The following KCNIP4 variants were observed in gnomAD, a reference collection of about 807,000 sequenced individuals.
The protein encoded by KCNIP4 is Kv channel-interacting protein 4.
A neutral mutation model predicts 34.0 loss-of-function variants in KCNIP4; 12 were observed. The observed-to-expected ratio is 0.35, with a 90% CI of 0.23 to 0.57. The LOEUF is 0.57. KCNIP4 is among the 20% of genes least tolerant of loss of function. The probability of loss-of-function intolerance (pLI) is 0.83; values close to 1 mark genes in which losing one functional copy is unlikely to be tolerated. For synonymous variants in KCNIP4, 124 were observed against 102.2 expected, an observed-to-expected ratio of 1.21 and a Z score of -1.29; for missense variants, 238 against 311.7, an observed-to-expected ratio of 0.76 and a Z score of 1.78.
intron 1 of KCNIP4, among the ~76,000 whole-genome samples, chr4:21,673,031 A>T (rs1322833606): frequency 6.6e-6 from 1 of 152,212 alleles, no homozygotes; most frequent in Non-Finnish European, 1.5e-5. Context: ...AGCAACCAGA[A>T]TAAATACTGC....
chr4:21,129,749 C>T (rs1392891469), intron 1 of KCNIP4, among the ~76,000 whole-genome samples: 1 of 152,032 alleles, frequency 6.6e-6, no homozygotes, highest in African/African-American at 2.4e-5. Context: ...AGACAGAAAA[C>T]TTGGGTCATT....
intron 1 of KCNIP4, among the ~76,000 whole-genome samples, chr4:21,724,326 CCTCT>C (rs540470017): frequency 1.3e-3 from 193 of 152,080 alleles, no homozygotes; most frequent in Admixed American, 2.5e-3. Flanking sequence ...ATTTTCTTGG[CCTCT>C]CTGAGTCTCA....
intron 1 of KCNIP4, among the ~76,000 whole-genome samples, chr4:21,384,096 T>A (rs1186439409): frequency 6.6e-6 from 1 of 152,098 alleles, no homozygotes; most frequent in Non-Finnish European, 1.5e-5. Flanking sequence ...GAATACACTT[T>A]CACCAGGTTT....
At chr4:20,776,115 A>C (rs1756347582) in intron 3 of KCNIP4, among the ~76,000 whole-genome samples, 1 of 152,108 alleles carries the variant, frequency 6.6e-6, no homozygotes, top group African/African-American at 2.4e-5. Flanking sequence ...GCTCATGGAT[A>C]GTCTAGACAT....
intron 1 of KCNIP4, among the ~76,000 whole-genome samples, chr4:21,706,391 C>T (rs1285209335): frequency 6.6e-6 from 1 of 152,058 alleles, no homozygotes; most frequent in Non-Finnish European, 1.5e-5. Flanking sequence ...GTGATAAGAA[C>T]AAAAGGTTCC....
chr4:21,615,351 T>C lies in KCNIP4; in HGVS notation c.61+333220A>G, dbSNP rs547789991. On this transcript the variant is annotated intron_variant, in intron 1 of 8. Coordinates refer to ENST00000382152, the MANE Select transcript of KCNIP4 (RefSeq NM_025221.6). ...GTCAGAAGATCGAGACCATCCTGGC[T>C]AACACGGTGAAACCCCGTCTCTACT... Among the ~76,000 whole-genome samples, 9 of 149,232 alleles carry C rather than the reference T, an allele frequency of 6.0e-5. No individual in the cohort carries two copies. The South Asian group carries it at 1.9e-3, about 32-fold the overall frequency.
At chr4:21,502,362 C>T (rs1273816463) in intron 1 of KCNIP4, among the ~76,000 whole-genome samples, 5 of 152,006 alleles carry the variant, frequency 3.3e-5, no homozygotes, top group Admixed American at 1.3e-4. Flanking sequence ...GAAGTAATAA[C>T]CAGGCACAAG....
intron 1 of KCNIP4, among the ~76,000 whole-genome samples, chr4:21,487,317 T>C (rs1234847880): frequency 4.6e-5 from 7 of 152,200 alleles, no homozygotes; most frequent in Non-Finnish European, 7.3e-5. Context: ...ATTTGTCATA[T>C]ATTTTTCTCA....
At chr4:21,948,486 C>T in intron 1 of KCNIP4, 85 bp downstream of exon 1, 2 of 1,447,572 alleles carry the variant, frequency 1.4e-6, no homozygotes, top group South Asian at 1.3e-5. Flanking sequence ...CGTCCCCAGC[C>T]GAGGAAGGGA....
intron 1 of KCNIP4, among the ~76,000 whole-genome samples, chr4:21,380,606 T>G (rs1052243803): frequency 6.6e-6 from 1 of 152,166 alleles, no homozygotes; most frequent in East Asian, 1.9e-4. Flanking sequence ...ATCAATGAAA[T>G]GCTGAGAAAC....
chr4:21,823,892 G>A (rs763036202), intron 1 of KCNIP4, among the ~76,000 whole-genome samples: 3 of 152,146 alleles, frequency 2.0e-5, no homozygotes, highest in African/African-American at 2.4e-5. Context: ...CAGCTTTGCA[G>A]CTCCTCCCAT....
chr4:21,668,366 T>A (rs1344100309), intron 1 of KCNIP4, among the ~76,000 whole-genome samples: 3 of 152,098 alleles, frequency 2.0e-5, no homozygotes, highest in Non-Finnish European at 4.4e-5. Flanking sequence ...AAAAAAAAAC[T>A]GCTGTATTAA....
At chr4:21,106,358 C>A (rs1232674826) in intron 1 of KCNIP4, among the ~76,000 whole-genome samples, 1 of 151,728 alleles carries the variant, frequency 6.6e-6, no homozygotes, top group Non-Finnish European at 1.5e-5. Context: ...TTATCCATTT[C>A]TTCTAGATTT....
intron 1 of KCNIP4, among the ~76,000 whole-genome samples, chr4:21,428,040 T>A (rs775078838): frequency 6.6e-6 from 1 of 152,216 alleles, no homozygotes; most frequent in Non-Finnish European, 1.5e-5. Flanking sequence ...GAGAGTATTT[T>A]TTTTATTAAT....
intron 1 of KCNIP4, among the ~76,000 whole-genome samples, chr4:21,137,873 TTTTTG>T: frequency 7.4e-6 from 1 of 134,504 alleles, no homozygotes; most frequent in Admixed American, 7.3e-5. Flanking sequence ...TACACAGGCT[TTTTTG>T]TTTTTTTTTT....
At chr4:21,168,431 A>G (rs1409901907) in intron 1 of KCNIP4, among the ~76,000 whole-genome samples, 1 of 152,150 alleles carries the variant, frequency 6.6e-6, no homozygotes, top group Non-Finnish European at 1.5e-5. Context: ...AAAAAGAAGT[A>G]TCCATACCTG....
At chr4:21,729,930 T>C (rs1715468877) in intron 1 of KCNIP4, 3 of 152,258 alleles carry the variant, frequency 2.0e-5, no homozygotes, top group East Asian at 1.9e-4. Flanking sequence ...TTAATAACAA[T>C]TGGTTTGGAA....
chr4:21,698,740 G>A (rs1712594316), intron 1 of KCNIP4, among the ~76,000 whole-genome samples: 1 of 152,056 alleles, frequency 6.6e-6, no homozygotes, highest in South Asian at 2.1e-4. Context: ...ACCTAGACAG[G>A]CCTTTTGGCT....
intron 1 of KCNIP4, among the ~76,000 whole-genome samples, chr4:21,194,001 C>G (rs1355766492): frequency 6.6e-6 from 1 of 152,084 alleles, no homozygotes; most frequent in South Asian, 2.1e-4. Context: ...GTTTTATACA[C>G]GGCAATTTGA....
Sources: gnomAD v4.1 joint callset for allele counts (sites outside exome capture counted in the v4.1 genomes callset) on GRCh38, gnomAD v4.1.1 for gene constraint, MANE v1.5 for transcripts, NCBI Gene and HGNC (gene_info 2026-07-23, HGNC 2026-07-21) for gene names.